The following DSCAM variants were observed in gnomAD, a reference collection of about 807,000 sequenced individuals.
DSCAM encodes the protein cell adhesion molecule DSCAM.
Under a neutral mutation model 217.7 loss-of-function variants are expected in DSCAM, and 47 were observed. That is an observed-to-expected ratio of 0.22 (90% CI 0.17 to 0.28). The LOEUF (loss-of-function observed/expected upper bound fraction) is 0.28, where lower values mean the gene tolerates loss of function less well. Ranked by LOEUF, DSCAM falls within the 10% of genes least tolerant of loss-of-function variation. The probability of loss-of-function intolerance (pLI) is 1.00; values close to 1 mark genes in which losing one functional copy is unlikely to be tolerated. For synonymous variants in DSCAM, 1,056 were observed against 1,015.3 expected, an observed-to-expected ratio of 1.04 and a Z score of -0.76; for missense variants, 2,080 against 2,618.3, an observed-to-expected ratio of 0.79 and a Z score of 4.49.
At chr21:40,820,762 T>G (rs945394014) in intron 1 of DSCAM, among the ~76,000 whole-genome samples, 1 of 152,108 alleles carries the variant, frequency 6.6e-6, no homozygotes, top group African/African-American at 2.4e-5. Context: ...AATCACCCAG[T>G]GTGGCCCTGA....
At chr21:40,715,046 G>T (rs1180493175) in intron 1 of DSCAM, among the ~76,000 whole-genome samples, 1 of 152,114 alleles carries the variant, frequency 6.6e-6, no homozygotes, top group Non-Finnish European at 1.5e-5. Context: ...CACCTAGGAT[G>T]ACCTTCACCT....
intron 1 of DSCAM, among the ~76,000 whole-genome samples, chr21:40,816,759 A>G (rs1480862919): frequency 6.6e-6 from 1 of 152,196 alleles, no homozygotes; most frequent in East Asian, 1.9e-4. Flanking sequence ...GTTGTCTTCA[A>G]AATGAATCTA....
intron 3 of DSCAM, among the ~76,000 whole-genome samples, chr21:40,536,593 A>T (rs558380865): frequency 6.6e-5 from 10 of 152,100 alleles, no homozygotes; most frequent in African/African-American, 2.4e-4. Flanking sequence ...TTTTTAGTAG[A>T]GACAGGGTTT....
intron 3 of DSCAM, among the ~76,000 whole-genome samples, chr21:40,692,046 T>G (rs569123523): frequency 2.0e-5 from 3 of 152,376 alleles, no homozygotes; most frequent in African/African-American, 7.2e-5. Context: ...AGGCAACTAT[T>G]TATAATCCAC....
intron 1 of DSCAM, among the ~76,000 whole-genome samples, chr21:40,722,498 A>G (rs2090912144): frequency 6.6e-6 from 1 of 152,152 alleles, no homozygotes. Flanking sequence ...CTCTAAAAGC[A>G]ACCACTTACA....
chr21:40,685,537 T>C (rs1487027232), intron 3 of DSCAM, among the ~76,000 whole-genome samples: 3 of 152,158 alleles, frequency 2.0e-5, no homozygotes, highest in Admixed American at 6.5e-5. Flanking sequence ...GCACCTCTTA[T>C]CATGACTCAT....
intron 3 of DSCAM, among the ~76,000 whole-genome samples, chr21:40,577,281 A>G (rs1279130451): frequency 1.3e-5 from 2 of 150,592 alleles, no homozygotes; most frequent in African/African-American, 4.9e-5. Flanking sequence ...GCCGGCGACC[A>G]GGCCGCTTCC....
intron 26 of DSCAM, among the ~76,000 whole-genome samples, chr21:40,077,330 A>G (rs1432069655): frequency 6.6e-6 from 1 of 152,188 alleles, no homozygotes; most frequent in Non-Finnish European, 1.5e-5. Flanking sequence ...ATGACCTTGG[A>G]CAGGAGATTT....
At chr21:40,127,526 T>C (rs929616948) in intron 19 of DSCAM, among the ~76,000 whole-genome samples, 1 of 152,224 alleles carries the variant, frequency 6.6e-6, no homozygotes, top group Non-Finnish European at 1.5e-5. Flanking sequence ...GTAAAGAATG[T>C]GGCCTTCAGA....
intron 3 of DSCAM, chr21:40,629,631 G>A (rs1006607552): frequency 2.6e-5 from 4 of 152,230 alleles, no homozygotes; most frequent in South Asian, 2.1e-4. Flanking sequence ...TAAGGACCAT[G>A]AAAGTCACAG....
intron 1 of DSCAM, among the ~76,000 whole-genome samples, chr21:40,808,167 G>A (rs769897813): frequency 2.6e-5 from 4 of 152,116 alleles, no homozygotes; most frequent in Admixed American, 6.5e-5. Flanking sequence ...CAGCTTCAAT[G>A]TTCCTCAAAG....
chr21:40,765,005 G>T (rs1259857247), intron 1 of DSCAM, among the ~76,000 whole-genome samples: 1 of 151,836 alleles, frequency 6.6e-6, no homozygotes, highest in Non-Finnish European at 1.5e-5. Context: ...ATGCATGCAG[G>T]GCTTAAAACC....
chr21:40,421,146 G>A (rs1327157010), intron 3 of DSCAM, among the ~76,000 whole-genome samples: 2 of 152,196 alleles, frequency 1.3e-5, no homozygotes, highest in Non-Finnish European at 2.9e-5. Context: ...CAGAGGAATT[G>A]ATGTGTGTTC....
chr21:40,348,273 A>C (rs1488096688), intron 5 of DSCAM, among the ~76,000 whole-genome samples: 40 of 151,930 alleles, frequency 2.6e-4, no homozygotes, highest in South Asian at 4.1e-4. Context: ...CAGCCACATT[A>C]TTGCAATCAT....
chr21:40,546,954 C>A (rs372249624), intron 3 of DSCAM, among the ~76,000 whole-genome samples: 43 of 152,146 alleles, frequency 2.8e-4, no homozygotes, highest in African/African-American at 8.9e-4. Flanking sequence ...AAGGCTGATA[C>A]CCCCCAGTTA....
chr21:40,602,087 G>A, intron 3 of DSCAM, among the ~76,000 whole-genome samples: 1 of 132,688 alleles, frequency 7.5e-6, no homozygotes, highest in South Asian at 2.3e-4. Context: ...TTGAGATTGG[G>A]TCTCACTCTG....
chr21:40,568,058 A>G (rs1365971968), intron 3 of DSCAM, among the ~76,000 whole-genome samples: 1 of 151,912 alleles, frequency 6.6e-6, no homozygotes, highest in Non-Finnish European at 1.5e-5. Context: ...GATAATCAGT[A>G]TGTTTTCCTG....
intron 9 of DSCAM, among the ~76,000 whole-genome samples, chr21:40,296,904 G>A (rs552075019): frequency 6.8e-6 from 1 of 147,068 alleles, no homozygotes; most frequent in South Asian, 2.2e-4. Context: ...TCAAATATAA[G>A]TATTCATCTT....
intron 3 of DSCAM, chr21:40,621,481 T>C (rs1415727471): frequency 6.6e-6 from 1 of 152,120 alleles, no homozygotes; most frequent in Non-Finnish European, 1.5e-5. Context: ...TGAGGATCAC[T>C]GGTTCAAAGC....
Sources: gnomAD v4.1 joint callset for allele counts (sites outside exome capture counted in the v4.1 genomes callset) on GRCh38, gnomAD v4.1.1 for gene constraint, MANE v1.5 for transcripts, NCBI Gene and HGNC (gene_info 2026-07-23, HGNC 2026-07-21) for gene names.